Variants in CSRNP3 observed in about 807,000 individuals in gnomAD.
The protein encoded by CSRNP3 is cysteine/serine-rich nuclear protein 3.
CSRNP3 carries 12 observed loss-of-function variants against 48.0 expected under a neutral mutation model. The ratio of observed to expected loss-of-function variants is 0.25; its 90% CI spans 0.16 to 0.41. CSRNP3 has a LOEUF of 0.41. Ranked by LOEUF, CSRNP3 falls within the 10% of genes least tolerant of loss-of-function variation. The pLI, the probability that CSRNP3 is intolerant of heterozygous loss-of-function variation, is 1.00. For synonymous variants in CSRNP3, 263 were observed against 269.7 expected, an observed-to-expected ratio of 0.98 and a Z score of 0.24; for missense variants, 580 against 724.4, an observed-to-expected ratio of 0.80 and a Z score of 2.29.
Position 165,631,811 on chromosome 2 carries a change from T to C in CSRNP3, c.149-25950T>C, listed in dbSNP as rs541709552. Reference sequence around the variant, plus strand: ...TTTATTGGAAAACAACTACTCTCACTCATCTACCTATTGTCTGTGGCTGCT... The same window carrying C: ...TTTATTGGAAAACAACTACTCTCACCCATCTACCTATTGTCTGTGGCTGCT... On this transcript the variant is annotated intron_variant, in intron 4 of 6. Coordinates refer to ENST00000651982, the MANE Select transcript of CSRNP3 (RefSeq NM_001172173.2). 1.2e-4 allele frequency among the ~76,000 whole-genome samples: 18 copies of C among 152,334 alleles called. No individual in the cohort carries two copies. The South Asian group carries it at 1.9e-3, about 16-fold the overall frequency.
intron 3 of CSRNP3, among the ~76,000 whole-genome samples, chr2:165,535,420 A>G (rs1274731358): frequency 1.3e-5 from 2 of 151,692 alleles, no homozygotes; most frequent in Non-Finnish European, 2.9e-5. Flanking sequence ...AAACCTTGTC[A>G]TCTCAGCCTT....
At chr2:165,609,483 A>G (rs1315019458) in intron 4 of CSRNP3, among the ~76,000 whole-genome samples, 1 of 150,630 alleles carries the variant, frequency 6.6e-6, no homozygotes, top group Non-Finnish European at 1.5e-5. Flanking sequence ...AAAAAAAAAA[A>G]AAAAAGAGGC....
chr2:165,474,009 C>T (rs1174261080), intron 1 of CSRNP3, among the ~76,000 whole-genome samples: 1 of 151,892 alleles, frequency 6.6e-6, no homozygotes, highest in East Asian at 1.9e-4. Flanking sequence ...AGAAGATAAG[C>T]ATGCATGTGA....
chr2:165,540,068 A>G (rs2105251358), intron 3 of CSRNP3, among the ~76,000 whole-genome samples: 1 of 152,110 alleles, frequency 6.6e-6, no homozygotes, highest in Non-Finnish European at 1.5e-5. Flanking sequence ...AAGTGACAAG[A>G]CTCTCCAGCC....
At position 165,679,261 on chromosome 2, in the gene CSRNP3, T is replaced by G. The variant is rs1476907032; in HGVS notation, c.1266T>G (p.His422Gln). 6.2e-7 allele frequency: 1 copy of G among 1,613,962 alleles called. No homozygotes were observed. ...ATGGCACCGCCGTTCACGAAAGCCA[T>G]GCAAAGAATGCTTCTTTTTATGCCA... ...YSDGTAVHES[H>Q]AKNASFYANS... The change falls in exon 7 of 7, where the codon CAT becomes CAG. Residue 422 changes from histidine to glutamine, a missense_variant. His to Gln is a conservative substitution (Grantham distance 24, BLOSUM62 0). Coordinates refer to ENST00000651982, the MANE Select transcript of CSRNP3 (RefSeq NM_001172173.2).
intron 3 of CSRNP3, among the ~76,000 whole-genome samples, chr2:165,545,978 T>C (rs1685019994): frequency 1.3e-5 from 2 of 152,154 alleles, no homozygotes; most frequent in Non-Finnish European, 2.9e-5. Context: ...TTGCCTATTA[T>C]TTGTTATTAT....
rs746504732 is a variant in CSRNP3, at chr2:165,517,863, C to A, written c.-112-10C>A. The A allele has an allele frequency of 2.6e-5, 4 of 152,184 alleles. No homozygotes were observed. Among genetic ancestry groups the A allele is most frequent in the Admixed American group, 2.0e-4 (3 of 15,232 alleles). The allele number at this position is 152,184 out of a possible 1,614,324, so 9.4% of individuals were successfully genotyped here. ...TACATAACATTCTGAAACGTATTTT[C>A]TTTTTTAAGGAAAAAATGAGGAAAT... On this transcript the variant is annotated splice_polypyrimidine_tract_variant and intron_variant, in intron 2 of 6. Transcript: ENST00000651982.
intron 3 of CSRNP3, among the ~76,000 whole-genome samples, chr2:165,567,859 A>G (rs1368088329): frequency 6.6e-6 from 1 of 152,082 alleles, no homozygotes; most frequent in Non-Finnish European, 1.5e-5. Flanking sequence ...TCCCAAACAT[A>G]ACATTAACAA....
At chr2:165,599,289 GAAAGAA>G (rs1685865046) in intron 4 of CSRNP3, among the ~76,000 whole-genome samples, 2 of 93,998 alleles carry the variant, frequency 2.1e-5, no homozygotes, top group South Asian at 3.8e-4. Context: ...GAGAGAGAAA[GAAAGAA>G]AGAAAGAAAG....
chr2:165,618,007 TC>T (rs1268045282), intron 4 of CSRNP3, among the ~76,000 whole-genome samples: 2 of 152,180 alleles, frequency 1.3e-5, no homozygotes, highest in African/African-American at 4.8e-5. Flanking sequence ...GAATGTTGGC[TC>T]TGCTTTTAAA....
intron 3 of CSRNP3, among the ~76,000 whole-genome samples, chr2:165,583,656 A>C (rs1319654288): frequency 6.6e-6 from 1 of 152,188 alleles, no homozygotes; most frequent in African/African-American, 2.4e-5. Context: ...AGATCTATTT[A>C]AGTCCTCTTC....
chr2:165,675,772 G>A (rs1687413638), intron 5 of CSRNP3, among the ~76,000 whole-genome samples: 1 of 152,218 alleles, frequency 6.6e-6, no homozygotes, highest in Admixed American at 6.5e-5. Context: ...ATGTTCTGTA[G>A]AATAATCATA....
At position 165,628,861 on chromosome 2, in the gene CSRNP3, T is replaced by C. The variant is rs1183412340; in HGVS notation, c.149-28900T>C. Among the ~76,000 whole-genome samples the C allele has an allele frequency of 2.6e-5, 4 of 151,858 alleles. No homozygotes were observed. The East Asian group carries it at 7.8e-4, about 29-fold the overall frequency. On this transcript the variant is annotated intron_variant, in intron 4 of 6. Transcript: ENST00000651982. ...CGGGAGGATTACTTGAGCCCAGGAG[T>C]TTCAGACCAGCCTGGGCAACATAGT...
chr2:165,584,113 C>T (rs1193215574), intron 3 of CSRNP3, among the ~76,000 whole-genome samples: 1 of 152,126 alleles, frequency 6.6e-6, no homozygotes, highest in African/African-American at 2.4e-5. Context: ...CTATGTTTTT[C>T]ATGAATCAAT....
intron 4 of CSRNP3, among the ~76,000 whole-genome samples, chr2:165,614,917 A>G (rs182621547): frequency 6.6e-6 from 1 of 152,284 alleles, no homozygotes; most frequent in East Asian, 1.9e-4. Context: ...TTGTGGACTG[A>G]GAAGATACTT....
chr2:165,644,502 G>GCATATA (rs1686779128), intron 4 of CSRNP3, among the ~76,000 whole-genome samples: 1 of 152,144 alleles, frequency 6.6e-6, no homozygotes, highest in Admixed American at 6.6e-5. Flanking sequence ...ACATATATAA[G>GCATATA]TGAGTTTTAG....
intron 4 of CSRNP3, among the ~76,000 whole-genome samples, chr2:165,608,860 G>A (rs1686076782): frequency 6.7e-6 from 1 of 148,716 alleles, no homozygotes; most frequent in Non-Finnish European, 1.5e-5. Context: ...GGAGGCCGAG[G>A]AGGGCAGATC....
chr2:165,589,252 GA>G (rs1224792245), intron 3 of CSRNP3, among the ~76,000 whole-genome samples: 3 of 152,102 alleles, frequency 2.0e-5, no homozygotes, highest in African/African-American at 7.2e-5. Context: ...TTCTTTCCTA[GA>G]AAGATAATGT....
At chr2:165,586,600 T>C (rs1276406719) in intron 3 of CSRNP3, among the ~76,000 whole-genome samples, 1 of 152,194 alleles carries the variant, frequency 6.6e-6, no homozygotes, top group Non-Finnish European at 1.5e-5. Flanking sequence ...TGTTACCTGC[T>C]CCTCAGACAT....
Sources: allele counts gnomAD v4.1 joint callset (sites outside exome capture counted in the v4.1 genomes callset), GRCh38; gene constraint gnomAD v4.1.1; transcripts MANE v1.5; gene names NCBI Gene and HGNC (gene_info 2026-07-23, HGNC 2026-07-21).